Variants in ADGRD2 observed in about 807,000 individuals in gnomAD.
The protein encoded by ADGRD2 is G protein-coupled receptor PGR24.
A neutral mutation model predicts 44.4 loss-of-function variants in ADGRD2; 71 were observed. That is an observed-to-expected ratio of 1.60 (90% CI 1.32 to 1.95). ADGRD2 has a LOEUF of 1.95. ADGRD2 is among the 30% of genes most tolerant of loss of function. ADGRD2 has a pLI of 0.00. For missense variants in ADGRD2, 1,039 were observed against 512.4 expected (o/e 2.03, Z -9.92); for synonymous variants, 481 against 224.8 (o/e 2.14, Z -10.19).
At chr9:124,468,001 G>T (rs1163158834) in intron 12 of ADGRD2, 87 bp from the exon 16 acceptor site, 2 of 714,326 alleles carry the variant, frequency 2.8e-6, no homozygotes, top group Middle Eastern at 2.3e-4. Flanking sequence ...ATCTGCCCAG[G>T]CACAGGGGAT....
intron 17 of ADGRD2, among the ~76,000 whole-genome samples, chr9:124,473,826 C>T (rs778303053): frequency 1.0e-4 from 15 of 150,356 alleles, no homozygotes; most frequent in Non-Finnish European, 1.8e-4. Flanking sequence ...CAAGACCTGA[C>T]GGCTGTATGG....
intron 7 of ADGRD2, among the ~76,000 whole-genome samples, chr9:124,457,013 C>T (rs887083748): frequency 2.0e-5 from 3 of 152,222 alleles, no homozygotes. Flanking sequence ...TACCCCAGAA[C>T]CTTGAACATG....
At position 124,468,070 on chromosome 9, in the gene ADGRD2, C is replaced by G; in HGVS notation, c.2131-18C>G. On this transcript the variant is annotated intron_variant, in intron 12 of 21. Coordinates refer to ENST00000334810, the Ensembl canonical transcript of ADGRD2. ...CAGCAGTGGTGTTCTTGTTAACTGACTCCTCTGTCCTCTCCAGGGTCCCCA... is the reference window on the plus strand; with the variant it reads ...CAGCAGTGGTGTTCTTGTTAACTGAGTCCTCTGTCCTCTCCAGGGTCCCCA... 1.4e-6 allele frequency: 1 copy of G among 718,384 alleles called. No individual in the cohort carries two copies. Among genetic ancestry groups the G allele is most frequent in the South Asian group, 1.5e-5 (1 of 67,600 alleles). The allele number at this position is 718,384 out of a possible 1,614,324, so 44.5% of individuals were successfully genotyped here. A position where few individuals can be genotyped will look rare whatever the true frequency, so the allele number is the denominator to read the frequency against.
In ADGRD2 at chr9:124,475,415, G is replaced by A. The variant is rs758324623; in HGVS notation, c.2759-31G>A. 14 of 707,524 alleles carry A rather than the reference G, an allele frequency of 2.0e-5. No homozygotes were observed. The Middle Eastern group carries it at 7.7e-4, about 39-fold the overall frequency. The allele number at this position is 707,524 out of a possible 1,614,324, so 43.8% of individuals were successfully genotyped here. ...TGTGGGGGATGGGGTAGGAGGCTCC[G>A]GGCTGAGGCACTCGCTGGGTCTGTC... On this transcript the variant is annotated intron_variant, in intron 17 of 21. Transcript: ENST00000334810.
intron 17 of ADGRD2, among the ~76,000 whole-genome samples, chr9:124,472,762 C>G (rs569746606): frequency 4.0e-4 from 61 of 152,328 alleles, no homozygotes; most frequent in Non-Finnish European, 8.4e-4. Flanking sequence ...CCCGCCTCGG[C>G]CTCCCAAAGT....
chr9:124,469,979 C>G (rs1588608095), intron 16 of ADGRD2, among the ~76,000 whole-genome samples: 1 of 152,164 alleles, frequency 6.6e-6, no homozygotes, highest in Non-Finnish European at 1.5e-5. Context: ...TGCCAAAGAC[C>G]CGCATCGCCC....
intron 12 of ADGRD2, 49 bp downstream of exon 15, chr9:124,467,873 C>G (rs191926780): frequency 1.4e-6 from 1 of 716,474 alleles, no homozygotes; most frequent in Non-Finnish European, 2.6e-6. Flanking sequence ...CCTCCCGCCT[C>G]GCTCAGGCCT....
intron 21 of ADGRD2, among the ~76,000 whole-genome samples, chr9:124,477,964 C>T (rs943625894): frequency 2.6e-5 from 4 of 152,096 alleles, no homozygotes; most frequent in African/African-American, 9.7e-5. Context: ...ACCCTCCGGA[C>T]CCCCCACCCG....
intron 1 of ADGRD2, 169 bp downstream of exon 4, chr9:124,452,323 C>G (rs1204598357): frequency 1.4e-5 from 9 of 637,740 alleles, no homozygotes; most frequent in Middle Eastern, 2.7e-4. Flanking sequence ...CCGTCTCATT[C>G]CTGCCATTGC....
intron 20 of ADGRD2, 88 bp from the exon 24 acceptor site, chr9:124,476,591 G>T (rs919281800): frequency 1.1e-5 from 7 of 644,956 alleles, no homozygotes; most frequent in Non-Finnish European, 5.6e-6. Flanking sequence ...GCGGCAAGCT[G>T]GCAGAGGCCC....
At chr9:124,470,682 G>T in intron 17 of ADGRD2, 68 bp downstream of exon 20, 1 of 650,658 alleles carries the variant, frequency 1.5e-6, no homozygotes, top group Non-Finnish European at 2.9e-6. Flanking sequence ...GGACGACTAG[G>T]GTGTCAGGGC....
chr9:124,458,723 T>C lies in ADGRD2; in HGVS notation c.1870+2T>C, dbSNP rs1455385216. 1 of 718,132 alleles carries C rather than the reference T, an allele frequency of 1.4e-6. No individual in the cohort carries two copies. Among genetic ancestry groups the C allele is most frequent in the East Asian group, 2.7e-5 (1 of 37,274 alleles). 44.5% of individuals were successfully genotyped at this position (718,132 alleles called of 1,614,324 possible). A position where few individuals can be genotyped will look rare whatever the true frequency, so the allele number is the denominator to read the frequency against. On this transcript the variant is annotated splice_donor_variant, in intron 10 of 21. Coordinates refer to ENST00000334810, the Ensembl canonical transcript of ADGRD2. LOFTEE classifies it high-confidence loss of function. Reference sequence around the variant, plus strand: ...TTTCATCTCCAGCACCGGGCCCAGGTACTGGGTGGCGCTTCTGGGAAGCAG... The same window carrying C: ...TTTCATCTCCAGCACCGGGCCCAGGCACTGGGTGGCGCTTCTGGGAAGCAG...
intron 19 of ADGRD2, 37 bp from the exon 23 acceptor site, chr9:124,476,320 G>C (rs1214322065): frequency 2.9e-6 from 2 of 680,738 alleles, no homozygotes; most frequent in Non-Finnish European, 5.4e-6. Context: ...AGGGCTTCCT[G>C]CCTTCGTCTC....
intron 17 of ADGRD2, among the ~76,000 whole-genome samples, chr9:124,471,200 G>A (rs891708484): frequency 6.6e-6 from 1 of 152,146 alleles, no homozygotes; most frequent in African/African-American, 2.4e-5. Context: ...GACAGCCAGG[G>A]GGCTGGGTGC....
intron 11 of ADGRD2, chr9:124,466,731 G>T: frequency 5.6e-6 from 1 of 179,290 alleles, no homozygotes; most frequent in Non-Finnish European, 1.2e-5. Context: ...GATTGCTTGA[G>T]CCCAGGAAGT....
chr9:124,457,213 C>T (rs887377288), intron 7 of ADGRD2, among the ~76,000 whole-genome samples: 2 of 152,198 alleles, frequency 1.3e-5, no homozygotes, highest in Non-Finnish European at 1.5e-5. Flanking sequence ...ACGTGTCCTT[C>T]GGGTACCCAC....
Position 124,452,725 on chromosome 9 carries a change from G to A in ADGRD2, c.281+3G>A, listed in dbSNP as rs1588598461. On this transcript the variant is annotated splice_donor_region_variant and intron_variant, in intron 2 of 21. Coordinates refer to ENST00000334810, the Ensembl canonical transcript of ADGRD2. ...TCTGCGGAGACCCCCACAGAGGCGT[G>A]AGTGTGGGCCCCTGGGAAATGGGAG... is the stretch of plus-strand genomic sequence containing the variant. 4.2e-6 allele frequency: 3 copies of A among 710,010 alleles called. No individual in the cohort carries two copies. Among genetic ancestry groups the A allele is most frequent in the Admixed American group, 2.0e-5 (1 of 49,964 alleles). 44.0% of individuals were successfully genotyped at this position (710,010 alleles called of 1,614,324 possible). A position where few individuals can be genotyped will look rare whatever the true frequency, so the allele number is the denominator to read the frequency against.
chr9:124,458,133 A>G (rs369753254), exon 9 of ADGRD2: 1 of 718,292 alleles, frequency 1.4e-6, no homozygotes, highest in African/African-American at 1.7e-5. Context: ...AGTCACCGTG[A>G]TCCACAGCTG....
chr9:124,452,549 G>A (rs1347547768), exon 2 of ADGRD2: 7 of 718,440 alleles, frequency 9.7e-6, no homozygotes, highest in Middle Eastern at 2.3e-4. Context: ...ACTGCAGGTG[G>A]GGTGTGCAAG....
Sources: gnomAD v4.1 joint callset for allele counts (sites outside exome capture counted in the v4.1 genomes callset) on GRCh38, gnomAD v4.1.1 for gene constraint, MANE v1.5 for transcripts, NCBI Gene and HGNC (gene_info 2026-07-23, HGNC 2026-07-21) for gene names.